TLN2: variants seen among roughly 807,000 people sequenced by gnomAD.
The protein encoded by TLN2 is talin-2.
Under a neutral mutation model 294.7 loss-of-function variants are expected in TLN2, and 118 were observed. The observed-to-expected ratio is 0.40, with a 90% confidence interval of 0.34 to 0.47. The LOEUF is 0.47. Ranked by LOEUF, TLN2 falls within the 20% of genes least tolerant of loss-of-function variation. The probability of loss-of-function intolerance (pLI) is 0.84; values close to 1 mark genes in which losing one functional copy is unlikely to be tolerated. For synonymous variants in TLN2, 1,431 were observed against 1,304.5 expected (o/e 1.10, Z -2.09); for missense variants, 3,083 against 3,282.2 (o/e 0.94, Z 1.48).
chr15:62,410,127 A>C (rs1188454997), intron 1 of TLN2, among the ~76,000 whole-genome samples: 1 of 152,170 alleles, frequency 6.6e-6, no homozygotes, highest in Non-Finnish European at 1.5e-5. Flanking sequence ...CTGTAATCCC[A>C]GCTACTCAGG....
chr15:62,429,511 T>C lies in TLN2; in HGVS notation c.-238+38826T>C, dbSNP rs184196945. ...GGTTTAGTTACCCCCTCTAATTTTT[T>C]GGCATGCTGGGTTTGTAGTTTAGCA... On this transcript the variant is annotated intron_variant, in intron 1 of 58. Coordinates refer to ENST00000636159, the MANE Select transcript of TLN2 (RefSeq NM_015059.3). Among the ~76,000 whole-genome samples the C allele has an allele frequency of 7.9e-5, 12 of 152,296 alleles. No individual in the cohort carries two copies. In the East Asian group the frequency reaches 2.3e-3, roughly 29 times the overall value.
At chr15:62,617,214 C>T (rs1240379931) in intron 2 of TLN2, among the ~76,000 whole-genome samples, 1 of 151,970 alleles carries the variant, frequency 6.6e-6, no homozygotes, top group Non-Finnish European at 1.5e-5. Flanking sequence ...AATTGTACAG[C>T]AGCTGACACA....
chr15:62,538,972 A>G (rs1298364703), intron 1 of TLN2, among the ~76,000 whole-genome samples: 2 of 152,206 alleles, frequency 1.3e-5, no homozygotes, highest in Non-Finnish European at 2.9e-5. Flanking sequence ...AAAAGATCTT[A>G]AAGTATAGTA....
intron 9 of TLN2, among the ~76,000 whole-genome samples, chr15:62,663,009 G>A (rs1301542345): frequency 2.6e-5 from 4 of 151,904 alleles, no homozygotes; most frequent in Non-Finnish European, 5.9e-5. Flanking sequence ...ATTTTTAGTA[G>A]GGACGAGGTT....
chr15:62,613,300 G>A (rs1359321651), intron 2 of TLN2, among the ~76,000 whole-genome samples: 1 of 152,164 alleles, frequency 6.6e-6, no homozygotes, highest in East Asian at 1.9e-4. Context: ...TGCAGGGAGA[G>A]GGCAGAAATT....
intron 2 of TLN2, among the ~76,000 whole-genome samples, chr15:62,615,841 G>C (rs2048271698): frequency 6.6e-6 from 1 of 152,146 alleles, no homozygotes; most frequent in African/African-American, 2.4e-5. Flanking sequence ...TCTCTGGAGG[G>C]GAGTGTGTGG....
intron 1 of TLN2, among the ~76,000 whole-genome samples, chr15:62,435,742 A>G (rs1343892654): frequency 2.0e-5 from 3 of 152,088 alleles, no homozygotes; most frequent in Admixed American, 6.5e-5. Flanking sequence ...GGGTTTTGCC[A>G]TGTTGGCCTG....
At chr15:62,579,333 A>G (rs541360296) in intron 1 of TLN2, among the ~76,000 whole-genome samples, 6 of 152,320 alleles carry the variant, frequency 3.9e-5, no homozygotes, top group Admixed American at 3.9e-4. Flanking sequence ...GGAAAGATGA[A>G]TTTTGAGGGT....
chr15:62,522,493 A>G (rs2040511895), intron 1 of TLN2, among the ~76,000 whole-genome samples: 1 of 152,210 alleles, frequency 6.6e-6, no homozygotes, highest in African/African-American at 2.4e-5. Context: ...TCTGTGCTGA[A>G]TCCTGGCTGC....
Position 62,717,680 on chromosome 15 carries a change from G to C in TLN2, c.2868G>C (p.Gln956His), listed in dbSNP as rs1195168111. 6.3e-7 allele frequency: 1 copy of C among 1,583,618 alleles called. No individual in the cohort carries two copies. Among genetic ancestry groups the C allele is most frequent in the South Asian group, 1.2e-5 (1 of 85,180 alleles). Residue 956 changes from glutamine to histidine, a missense_variant, in exon 24 of 59, where the codon CAG (glutamine) becomes CAC (histidine). Gln to His is a conservative substitution (Grantham distance 24, BLOSUM62 0). Coordinates refer to ENST00000636159, the MANE Select transcript of TLN2 (RefSeq NM_015059.3). ...CTGCGGCCCAGCAGCAGCTGGTCCAGAGTTGCAAGGTGAGGTTCCAGTGCA... is the reference window on the plus strand; with the variant it reads ...CTGCGGCCCAGCAGCAGCTGGTCCACAGTTGCAAGGTGAGGTTCCAGTGCA... The part of the protein sequence containing the change: ...KNPAAQQQLV[Q>H]SCKAVADHIP...
In TLN2 at chr15:62,840,630, G is replaced by C; in HGVS notation, c.*20G>C. On this transcript the variant is annotated 3_prime_UTR_variant, in exon 59 of 59. Coordinates refer to ENST00000636159, the MANE Select transcript of TLN2 (RefSeq NM_015059.3). ...GGCTAAAGGTGCGAGCCCAGATGGCGAGCCCCAGGGGATGGCCCTGGCTGA... is the reference window on the plus strand; with the variant it reads ...GGCTAAAGGTGCGAGCCCAGATGGCCAGCCCCAGGGGATGGCCCTGGCTGA... 1 of 1,611,404 alleles carries C rather than the reference G, an allele frequency of 6.2e-7. No homozygotes were observed. The highest frequency in any genetic ancestry group is 8.5e-7 in the Non-Finnish European group (1 of 1,178,674).
At chr15:62,683,814 A>C (rs2057064705) in intron 11 of TLN2, among the ~76,000 whole-genome samples, 1 of 152,112 alleles carries the variant, frequency 6.6e-6, no homozygotes, top group Admixed American at 6.6e-5. Flanking sequence ...GAAGGTCGGA[A>C]AGGAGTGGTT....
chr15:62,822,390 C>T (rs75721579), intron 54 of TLN2, among the ~76,000 whole-genome samples: 11,710 of 152,282 alleles, frequency 0.077, 1,421 homozygotes, highest in African/African-American at 0.26. Context: ...ATTCCACTGG[C>T]CCCTGAAGAA....
At chr15:62,665,449 C>G (rs1359065727) in intron 9 of TLN2, among the ~76,000 whole-genome samples, 2 of 152,100 alleles carry the variant, frequency 1.3e-5, no homozygotes, top group Non-Finnish European at 2.9e-5. Context: ...ATGGCAAAGG[C>G]AAAAGTAATA....
At chr15:62,819,680 C>A in intron 53 of TLN2, 59 bp downstream of exon 53, 1 of 1,456,106 alleles carries the variant, frequency 6.9e-7, no homozygotes, top group Non-Finnish European at 9.5e-7. Context: ...GCTAATACAG[C>A]AGACTGAGCA....
intron 26 of TLN2, among the ~76,000 whole-genome samples, chr15:62,723,538 C>CTTTTT (rs555674609): frequency 1.7e-3 from 184 of 107,172 alleles, no homozygotes; most frequent in Admixed American, 5.3e-3. Flanking sequence ...ACTGTGAAAA[C>CTTTTT]TTTTTTTTTT....
chr15:62,618,899 T>A (rs1405869751), intron 3 of TLN2, among the ~76,000 whole-genome samples: 2 of 152,202 alleles, frequency 1.3e-5, no homozygotes, highest in African/African-American at 4.8e-5. Flanking sequence ...CCTTCTTGAG[T>A]TGCTGTTAAT....
chr15:62,447,719 T>A (rs549571147), intron 1 of TLN2, among the ~76,000 whole-genome samples: 6 of 152,054 alleles, frequency 3.9e-5, no homozygotes, highest in African/African-American at 1.4e-4. Flanking sequence ...GGTCTCGATC[T>A]CCTGACCCCG....
At chr15:62,674,596 T>C (rs77942617) in intron 10 of TLN2, among the ~76,000 whole-genome samples, 6,204 of 146,132 alleles carry the variant, frequency 0.042, 154 homozygotes, top group Non-Finnish European at 0.055. Context: ...CCCCCCGCCC[T>C]GTTCAAGTGA....
Sources: allele counts gnomAD v4.1 joint callset (sites outside exome capture counted in the v4.1 genomes callset), GRCh38; gene constraint gnomAD v4.1.1; transcripts MANE v1.5; gene names NCBI Gene and HGNC (gene_info 2026-07-23, HGNC 2026-07-21).